The following KIN variants were observed in gnomAD, a reference collection of about 807,000 sequenced individuals.
KIN encodes the protein Kin17 DNA and RNA binding protein, also known as DNA/RNA-binding protein KIN17.
A neutral mutation model predicts 63.0 loss-of-function variants in KIN; 47 were observed. That is an observed-to-expected ratio of 0.75 (90% CI 0.59 to 0.95). The LOEUF is 0.95. Among genes scored for constraint, KIN ranks in the 40% least tolerant of loss-of-function variants. KIN has a pLI of 0.00. For synonymous variants in KIN, 160 were observed against 157.7 expected (o/e 1.01, Z -0.11); for missense variants, 408 against 460.9 (o/e 0.89, Z 1.05).
At chr10:7,785,822 A>G (rs543690816) in intron 1 of KIN, among the ~76,000 whole-genome samples, 93 of 152,216 alleles carry the variant, frequency 6.1e-4, no homozygotes, top group Admixed American at 9.8e-4. Flanking sequence ...AGAAAAAAAA[A>G]AAAAAGAAAA....
chr10:7,785,193 A>T (rs931692436), intron 1 of KIN, among the ~76,000 whole-genome samples: 3 of 150,814 alleles, frequency 2.0e-5, no homozygotes, highest in African/African-American at 7.3e-5. Flanking sequence ...TCAAGGTTGC[A>T]GTGAGCCATG....
intron 1 of KIN, among the ~76,000 whole-genome samples, chr10:7,784,251 C>T (rs2131036385): frequency 6.6e-6 from 1 of 152,114 alleles, no homozygotes; most frequent in East Asian, 1.9e-4. Flanking sequence ...AAGAATTAAT[C>T]CTTTACTCCT....
At position 7,762,539 on chromosome 10, in the gene KIN, A is replaced by G. The variant is rs976654220; in HGVS notation, c.936T>C (p.Tyr312=). The change falls in exon 11 of 13, where the codon TAT becomes TAC. Residue 312 remains tyrosine (Y), a synonymous_variant. Transcript: ENST00000379562. ...KAIVKEVIDK[Y]TAVVKMIDSG... Reference sequence around the variant, plus strand: ...AATCAATCATCTTCACAACAGCTGTATATTTGTCAATTACTTCCTGTCATG... The same window carrying G: ...AATCAATCATCTTCACAACAGCTGTGTATTTGTCAATTACTTCCTGTCATG... 1.9e-6 allele frequency: 3 copies of G among 1,604,062 alleles called. No individual in the cohort carries two copies. Among genetic ancestry groups the G allele is most frequent in the Non-Finnish European group, 2.6e-6 (3 of 1,172,502 alleles).
At chr10:7,765,187 A>C (rs1835518367) in intron 9 of KIN, among the ~76,000 whole-genome samples, 1 of 150,462 alleles carries the variant, frequency 6.6e-6, no homozygotes, top group South Asian at 2.1e-4. Flanking sequence ...AAAATTCGGC[A>C]CAGTGGCTCG....
chr10:7,787,702 G>A (rs1290213871), intron 1 of KIN, 118 bp downstream of exon 1: 2 of 766,538 alleles, frequency 2.6e-6, no homozygotes, highest in Non-Finnish European at 4.6e-6. Context: ...GACCTCAGAA[G>A]CCTCACGACC....
rs576684731 is a variant in KIN at position 7,755,262 on chromosome 10, A to G, written c.*818T>C. 134 of 152,374 alleles carry G rather than the reference A, an allele frequency of 8.8e-4. No individual in the cohort carries two copies. Among genetic ancestry groups the G allele is most frequent in the African/African-American group, 3.2e-3 (132 of 41,596 alleles). 9.4% of individuals were successfully genotyped at this position (152,374 alleles called of 1,614,324 possible). ...AATCTAAATGTTTATCAGCTGATGA[A>G]TGGACAAACAAAATACGGTACATCC... On this transcript the variant is annotated 3_prime_UTR_variant, in exon 13 of 13. Coordinates refer to ENST00000379562, the MANE Select transcript of KIN (RefSeq NM_012311.4).
At chr10:7,768,582 G>A (rs1835600093) in intron 8 of KIN, among the ~76,000 whole-genome samples, 1 of 151,984 alleles carries the variant, frequency 6.6e-6, no homozygotes, top group South Asian at 2.1e-4. Flanking sequence ...CTCGCTAGGA[G>A]GTGCTAAGCG....
chr10:7,759,689 T>TAC (rs1232208403), intron 12 of KIN: 2 of 365,920 alleles, frequency 5.5e-6, no homozygotes, highest in Non-Finnish European at 9.6e-6. Flanking sequence ...TATGCATGAG[T>TAC]ACACATTTCT....
At chr10:7,778,768 A>T (rs949399618) in intron 5 of KIN, 70 bp downstream of exon 5, 4 of 1,279,086 alleles carry the variant, frequency 3.1e-6, no homozygotes, top group Non-Finnish European at 4.3e-6. Flanking sequence ...AAAACAAAAA[A>T]GAAAAACCAA....
intron 12 of KIN, among the ~76,000 whole-genome samples, chr10:7,758,032 G>T (rs564819264): frequency 6.8e-6 from 1 of 146,688 alleles, no homozygotes; most frequent in Non-Finnish European, 1.5e-5. Flanking sequence ...TTTTTAATGA[G>T]GACAGGCTGA....
chr10:7,773,331 C>T (rs549996511), intron 7 of KIN, among the ~76,000 whole-genome samples: 1 of 152,310 alleles, frequency 6.6e-6, no homozygotes, highest in South Asian at 2.1e-4. Flanking sequence ...AAAACTAATA[C>T]AAGGGAGGTC....
At chr10:7,782,404 T>TTC (rs1178574448) in intron 2 of KIN, among the ~76,000 whole-genome samples, 1 of 151,216 alleles carries the variant, frequency 6.6e-6, no homozygotes. Context: ...TAGTGCCATT[T>TTC]TTTTTTTTTT....
At position 7,754,372 on chromosome 10, in the gene KIN, T is replaced by A. The variant is rs1835291082; in HGVS notation, c.*1708A>T. 2 of 260,168 alleles carry A rather than the reference T, an allele frequency of 7.7e-6. No individual in the cohort carries two copies. Among genetic ancestry groups the A allele is most frequent in the South Asian group, 7.7e-5 (2 of 26,030 alleles). The allele number at this position is 260,168 out of a possible 1,614,324, so 16.1% of individuals were successfully genotyped here. ...AAAAAAAAAGAGGCGTAGTGGCTCA[T>A]GCCTGTAATCCCAGCACTTTGGGAG... On this transcript the variant is annotated 3_prime_UTR_variant, in exon 13 of 13. Coordinates refer to ENST00000379562, the MANE Select transcript of KIN (RefSeq NM_012311.4).
At position 7,755,918 on chromosome 10, in the gene KIN, T is replaced by C; in HGVS notation, c.*162A>G. 1 of 468,074 alleles carries C rather than the reference T, an allele frequency of 2.1e-6. No homozygotes were observed. Among genetic ancestry groups the C allele is most frequent in the South Asian group, 4.9e-5 (1 of 20,384 alleles). The allele number at this position is 468,074 out of a possible 1,614,324, so 29.0% of individuals were successfully genotyped here. Reference sequence around the variant, plus strand: ...TGATACCTCATGAGACATAATTAAATTCTTCTCAAAGTTTAGCTGAACAAC... The same window carrying C: ...TGATACCTCATGAGACATAATTAAACTCTTCTCAAAGTTTAGCTGAACAAC... On this transcript the variant is annotated 3_prime_UTR_variant, in exon 13 of 13. Coordinates refer to ENST00000379562, the MANE Select transcript of KIN (RefSeq NM_012311.4).
chr10:7,761,474 C>CA (rs1440190865), intron 11 of KIN: 1 of 152,108 alleles, frequency 6.6e-6, no homozygotes, highest in Non-Finnish European at 1.5e-5. Context: ...CAAAATAACA[C>CA]AGACTTTCAC....
chr10:7,786,128 G>A lies in KIN; in HGVS notation c.114+1692C>T, dbSNP rs542613963. On this transcript the variant is annotated intron_variant, in intron 1 of 12. Transcript: ENST00000379562. Reference sequence around the variant, plus strand: ...CACCTCGTTGCAGGATGTTGATGATGAGGGAGACTGGAGAGGGGAGCGGAG... The same window carrying A: ...CACCTCGTTGCAGGATGTTGATGATAAGGGAGACTGGAGAGGGGAGCGGAG... Among the ~76,000 whole-genome samples the A allele has an allele frequency of 3.9e-5, 6 of 152,324 alleles. No homozygotes were observed. The South Asian group carries it at 1.2e-3, about 32-fold the overall frequency.
rs530795094 is a variant in KIN, at chr10:7,764,023, T to C, written c.850-232A>G. Among the ~76,000 whole-genome samples, 8 of 152,354 alleles carry C rather than the reference T, an allele frequency of 5.3e-5. No homozygotes were observed. The South Asian group carries it at 1.5e-3, about 28-fold the overall frequency. ...TGGTTAGCAAGAGGAAAAAAATATATACATATATATAAAAAATGTCTGATT... is the reference window on the plus strand; with the variant it reads ...TGGTTAGCAAGAGGAAAAAAATATACACATATATATAAAAAATGTCTGATT... On this transcript the variant is annotated intron_variant, in intron 9 of 12. Coordinates refer to ENST00000379562, the MANE Select transcript of KIN (RefSeq NM_012311.4).
intron 6 of KIN, among the ~76,000 whole-genome samples, 165 bp downstream of exon 6, chr10:7,775,586 T>C (rs1346349156): frequency 1.3e-5 from 2 of 152,188 alleles, no homozygotes; most frequent in Non-Finnish European, 2.9e-5. Context: ...AGCTATCCTA[T>C]CCAATCAATT....
At position 7,780,051 on chromosome 10, in the gene KIN, C is replaced by T; in HGVS notation, c.376+5G>A. On this transcript the variant is annotated splice_donor_5th_base_variant and intron_variant, in intron 4 of 12. Coordinates refer to ENST00000379562, the MANE Select transcript of KIN (RefSeq NM_012311.4). ...GAAAAAGCAACTTTAAAATCTCATTCTTACCTTCTCTGCCCAGCCACTTAG... is the reference window on the plus strand; with the variant it reads ...GAAAAAGCAACTTTAAAATCTCATTTTTACCTTCTCTGCCCAGCCACTTAG... 6.2e-7 allele frequency: 1 copy of T among 1,609,930 alleles called. No homozygotes were observed. The highest frequency in any genetic ancestry group is 8.5e-7 in the Non-Finnish European group (1 of 1,177,346).
Sources: gnomAD v4.1 joint callset for allele counts (sites outside exome capture counted in the v4.1 genomes callset) on GRCh38, gnomAD v4.1.1 for gene constraint, MANE v1.5 for transcripts, NCBI Gene and HGNC (gene_info 2026-07-23, HGNC 2026-07-21) for gene names.